Variants in SNN observed in about 807,000 individuals in gnomAD.
SNN encodes AG8_1.
SNN carries 5 observed loss-of-function variants against 5.3 expected under a neutral mutation model. The ratio of observed to expected loss-of-function variants is 0.94; its 90% CI spans 0.49 to 1.97. The LOEUF (loss-of-function observed/expected upper bound fraction) is 1.97, where lower values mean the gene tolerates loss of function less well. Ranked by LOEUF, SNN falls within the 30% of genes most tolerant of loss-of-function variation. The pLI is 0.01. For synonymous variants in SNN, 67 were observed against 52.1 expected (o/e 1.29, Z -1.24); for missense variants, 127 against 121.6 (o/e 1.04, Z -0.21).
Position 11,676,209 on chromosome 16 carries a change from C to T in SNN, c.150C>T (p.Ile50=), listed in dbSNP as rs769782486. 1.3e-5 allele frequency: 21 copies of T among 1,614,052 alleles called. No individual in the cohort carries two copies. The highest frequency in any genetic ancestry group is 1.6e-4 in the Middle Eastern group (1 of 6,084). ...RISQSEDEES[I]VGDGETKEPF... is the part of the protein sequence containing the mutation. ...GCCAGTCAGAGGACGAGGAGAGCAT[C>T]GTGGGGGATGGGGAGACCAAGGAAC... Residue 50 remains isoleucine, a synonymous_variant, in exon 2 of 2, where the codon ATC becomes ATT. Coordinates refer to ENST00000329565, the MANE Select transcript of SNN (RefSeq NM_003498.6).
In SNN at chr16:11,675,992, T is replaced by C. The variant is rs770323678; in HGVS notation, c.-68T>C. ...TCTTTCAGGACTCCCGTGTCCAGCC[T>C]GAGTTCCAGCCTCACTGAGTGGCCA... On this transcript the variant is annotated 5_prime_UTR_variant, in exon 2 of 2. Transcript: ENST00000329565. 3.5e-5 allele frequency: 53 copies of C among 1,502,160 alleles called. No individual in the cohort carries two copies. The highest frequency in any genetic ancestry group is 4.5e-5 in the Non-Finnish European group (50 of 1,122,480). 93.1% of individuals were successfully genotyped at this position (1,502,160 alleles called of 1,614,324 possible).
chr16:11,676,320 C>T lies in SNN; in HGVS notation c.261C>T (p.His87=), dbSNP rs1045239527. Residue 87 remains histidine (H), a synonymous_variant, in exon 2 of 2, where the codon CAC becomes CAT. Transcript: ENST00000329565. ...KLMTPNGPEV[H]G is the part of the protein sequence containing the mutation. The stretch of plus-strand genomic sequence containing the variant: ...TGACTCCCAACGGCCCGGAAGTCCA[C>T]GGCTGAGCCAGGATGCAAGGCTCCT... The T allele has an allele frequency of 9.9e-6, 16 of 1,611,052 alleles. No homozygotes were observed. Among genetic ancestry groups the T allele is most frequent in the East Asian group, 2.2e-5 (1 of 44,794 alleles).
In SNN at chr16:11,678,648, G is replaced by A. The variant is rs1022034867; in HGVS notation, c.*2322G>A. ...CCATTTGAGCGTGGCAGCCGTGTTG[G>A]GTGAAGGTCCGGGGCTCGGTGAGGC... On this transcript the variant is annotated 3_prime_UTR_variant, in exon 2 of 2. Coordinates refer to ENST00000329565, the MANE Select transcript of SNN (RefSeq NM_003498.6). 6.0e-6 allele frequency: 1 copy of A among 167,966 alleles called. No homozygotes were observed. Among genetic ancestry groups the A allele is most frequent in the Non-Finnish European group, 1.5e-5 (1 of 68,800 alleles). 10.4% of individuals were successfully genotyped at this position (167,966 alleles called of 1,614,324 possible). A position where few individuals can be genotyped will look rare whatever the true frequency, so the allele number is the denominator to read the frequency against.
intron 1 of SNN, among the ~76,000 whole-genome samples, chr16:11,674,211 G>A (rs1275637022): frequency 1.3e-5 from 2 of 152,230 alleles, no homozygotes; most frequent in African/African-American, 4.8e-5. Flanking sequence ...AAAGCCAGAC[G>A]TGTCGTTCTG....
chr16:11,673,838 T>C (rs1462413553), intron 1 of SNN, among the ~76,000 whole-genome samples: 1 of 152,166 alleles, frequency 6.6e-6, no homozygotes, highest in Non-Finnish European at 1.5e-5. Context: ...TTGGAAGGCG[T>C]CCTGGCTGCA....
At position 11,678,910 on chromosome 16, in the gene SNN, G is replaced by A; in HGVS notation, c.*2584G>A. On this transcript the variant is annotated 3_prime_UTR_variant, in exon 2 of 2. Coordinates refer to ENST00000329565, the MANE Select transcript of SNN (RefSeq NM_003498.6). ...TTCGTATCACTGCAGAAGCAACAGT[G>A]GGGGCACAGGGAGGGAACTCTTGAC... 1 of 410,858 alleles carries A rather than the reference G, an allele frequency of 2.4e-6. No homozygotes were observed. Among genetic ancestry groups the A allele is most frequent in the East Asian group, 5.5e-5 (1 of 18,090 alleles). The allele number at this position is 410,858 out of a possible 1,614,324, so 25.5% of individuals were successfully genotyped here.
rs867445856 is a variant in SNN at position 11,668,579 on chromosome 16, G to C, written c.-86+39G>C. 1 of 144,888 alleles carries C rather than the reference G, an allele frequency of 6.9e-6. No individual in the cohort carries two copies. Among genetic ancestry groups the C allele is most frequent in the Non-Finnish European group, 1.5e-5 (1 of 65,018 alleles). 9.0% of individuals were successfully genotyped at this position (144,888 alleles called of 1,614,324 possible). ...GGCAGGCCGCGCGCTCGGGCCGGGC[G>C]GGGGCGCCGGGGCCCGGGGGCGGGA... On this transcript the variant is annotated intron_variant, in intron 1 of 1. Transcript: ENST00000329565. This position sits in a 1 kb window ranked among gnomAD's most constrained non-coding sequence, Gnocchi z 6.8.
Position 11,678,987 on chromosome 16 carries a change from T to C in SNN, c.*2661T>C. The C allele has an allele frequency of 8.5e-6, 5 of 588,164 alleles. No homozygotes were observed. The highest frequency in any genetic ancestry group is 2.3e-5 in the South Asian group (1 of 43,372). 36.4% of individuals were successfully genotyped at this position (588,164 alleles called of 1,614,324 possible). A position where few individuals can be genotyped will look rare whatever the true frequency, so the allele number is the denominator to read the frequency against. ...TTTTTGGACAAATCTTCAAACGGAC[T>C]GTGCTACTGTATTTGTCTCAAAGCT... is the stretch of plus-strand genomic sequence containing the variant. On this transcript the variant is annotated 3_prime_UTR_variant, in exon 2 of 2. Transcript: ENST00000329565.
chr16:11,676,182 C>T lies in SNN; in HGVS notation c.123C>T (p.Ile41=), dbSNP rs376162683. The T allele has an allele frequency of 8.2e-5, 133 of 1,614,110 alleles. No individual in the cohort carries two copies. Among genetic ancestry groups the T allele is most frequent in the Non-Finnish European group, 1.1e-4 (130 of 1,180,058 alleles). ...GGTGCTACCTGCGGCTGCAGCGCAT[C>T]AGCCAGTCAGAGGACGAGGAGAGCA... ...GCWCYLRLQR[I]SQSEDEESIV... Residue 41 remains isoleucine, a synonymous_variant, in exon 2 of 2, where the codon ATC becomes ATT. Coordinates refer to ENST00000329565, the MANE Select transcript of SNN (RefSeq NM_003498.6).
chr16:11,670,825 C>T (rs1023249835), intron 1 of SNN, among the ~76,000 whole-genome samples: 7 of 152,182 alleles, frequency 4.6e-5, no homozygotes, highest in Non-Finnish European at 7.4e-5. Flanking sequence ...TCAGACAAGC[C>T]GGGGTCCTGG....
rs1802409 is a variant in SNN at position 11,678,374 on chromosome 16, C to A, written c.*2048C>A. 0.12 allele frequency: 19,479 copies of A among 167,002 alleles called. 1,627 individuals carry two copies. The highest frequency in any genetic ancestry group is 0.23 in the African/African-American group (9,436 of 41,428). 10.3% of individuals were successfully genotyped at this position (167,002 alleles called of 1,614,324 possible). On this transcript the variant is annotated 3_prime_UTR_variant, in exon 2 of 2. Coordinates refer to ENST00000329565, the MANE Select transcript of SNN (RefSeq NM_003498.6). ...CTCTCACCACAGCCAGCACATACAC[C>A]TAGGCTGTTTTTCCTTCCTCCACAC...
At chr16:11,674,931 C>T (rs2050288710) in intron 1 of SNN, among the ~76,000 whole-genome samples, 1 of 152,188 alleles carries the variant, frequency 6.6e-6, no homozygotes, top group Non-Finnish European at 1.5e-5. Flanking sequence ...ATGCTAAGCA[C>T]CATCAGGGAG....
chr16:11,679,015 C>G lies in SNN; in HGVS notation c.*2689C>G. 1.0e-5 allele frequency: 7 copies of G among 691,070 alleles called. No individual in the cohort carries two copies. The highest frequency in any genetic ancestry group is 1.7e-5 in the Non-Finnish European group (7 of 412,120). 42.8% of individuals were successfully genotyped at this position (691,070 alleles called of 1,614,324 possible). A position where few individuals can be genotyped will look rare whatever the true frequency, so the allele number is the denominator to read the frequency against. On this transcript the variant is annotated 3_prime_UTR_variant, in exon 2 of 2. Coordinates refer to ENST00000329565, the MANE Select transcript of SNN (RefSeq NM_003498.6). The surrounding 1 kb of genome is among the most constrained non-coding windows in gnomAD (Gnocchi z 4.6). Reference sequence around the variant, plus strand: ...GCTACTGTATTTGTCTCAAAGCTACCAAGTTTGTGCAATAAGTGGAAGGGA... The same window carrying G: ...GCTACTGTATTTGTCTCAAAGCTACGAAGTTTGTGCAATAAGTGGAAGGGA...
Position 11,677,968 on chromosome 16 carries a change from G to A in SNN, c.*1642G>A, listed in dbSNP as rs183139069. Reference sequence around the variant, plus strand: ...CGTTTAAGCAGCATACACCTAAATTGGGGGTTTAAACATTAAGTAGGAGCT... The same window carrying A: ...CGTTTAAGCAGCATACACCTAAATTAGGGGTTTAAACATTAAGTAGGAGCT... On this transcript the variant is annotated 3_prime_UTR_variant, in exon 2 of 2. Coordinates refer to ENST00000329565, the MANE Select transcript of SNN (RefSeq NM_003498.6). The surrounding 1 kb of genome is among the most constrained non-coding windows in gnomAD (Gnocchi z 4.2). 1.8e-4 allele frequency: 30 copies of A among 167,238 alleles called. No individual in the cohort carries two copies. In the East Asian group the frequency reaches 5.2e-3, roughly 29 times the overall value. The allele number at this position is 167,238 out of a possible 1,614,324, so 10.4% of individuals were successfully genotyped here. A position where few individuals can be genotyped will look rare whatever the true frequency, so the allele number is the denominator to read the frequency against.
intron 1 of SNN, among the ~76,000 whole-genome samples, chr16:11,670,595 C>T (rs894268003): frequency 1.3e-5 from 2 of 152,210 alleles, no homozygotes; most frequent in African/African-American, 4.8e-5. Context: ...TACCACTTCT[C>T]ATCCTCCCCA....
intron 1 of SNN, among the ~76,000 whole-genome samples, chr16:11,673,396 G>C (rs1163652661): frequency 6.6e-6 from 1 of 152,208 alleles, no homozygotes; most frequent in Non-Finnish European, 1.5e-5. Context: ...CAGAAGCCAG[G>C]GTTGCATGCC....
rs1171247307 is a variant in SNN, at chr16:11,676,463, A to G, written c.*137A>G. The G allele has an allele frequency of 9.9e-5, 107 of 1,076,490 alleles. 1 individual carries two copies. The highest frequency in any genetic ancestry group is 1.4e-4 in the Non-Finnish European group (106 of 755,524). 66.7% of individuals were successfully genotyped at this position (1,076,490 alleles called of 1,614,324 possible). A position where few individuals can be genotyped will look rare whatever the true frequency, so the allele number is the denominator to read the frequency against. On this transcript the variant is annotated 3_prime_UTR_variant, in exon 2 of 2. Transcript: ENST00000329565. Reference sequence around the variant, plus strand: ...TGGCCTCTGCGGGCTTCGTCATCGCATGCACTGATGCCCGGGGACCTGGCT... The same window carrying G: ...TGGCCTCTGCGGGCTTCGTCATCGCGTGCACTGATGCCCGGGGACCTGGCT...
rs1270297496 is a variant in SNN, at chr16:11,671,788, A to T, written c.-86+3248A>T. 2.0e-5 allele frequency among the ~76,000 whole-genome samples: 3 copies of T among 152,148 alleles called. No homozygotes were observed. Among genetic ancestry groups the T allele is most frequent in the African/African-American group, 4.8e-5 (2 of 41,444 alleles). On this transcript the variant is annotated intron_variant, in intron 1 of 1. Transcript: ENST00000329565. The surrounding 1 kb of genome is among the most constrained non-coding windows in gnomAD (Gnocchi z 4.7). ...GAGGGGCTAGAAAGGAAGAACAGAC[A>T]GGTGGGGTCCAGCCAGGCACAGGGG...
intron 1 of SNN, 120 bp from the exon 2 acceptor site, chr16:11,675,855 C>T (rs1791923905): frequency 1.8e-6 from 1 of 567,420 alleles, no homozygotes; most frequent in Non-Finnish European, 3.1e-6. Flanking sequence ...CAGACGCCTT[C>T]GAACGCCGGC....
Sources: allele counts gnomAD v4.1 joint callset (sites outside exome capture counted in the v4.1 genomes callset), GRCh38; gene constraint gnomAD v4.1.1; non-coding constraint Gnocchi (gnomAD v3.1); transcripts MANE v1.5; gene names NCBI Gene and HGNC (gene_info 2026-07-23, HGNC 2026-07-21).